CSMD2: variants seen among roughly 807,000 people sequenced by gnomAD.
The protein encoded by CSMD2 is CUB and Sushi multiple domains 2, also known as CUB and sushi domain-containing protein 2.
In CSMD2, 130 loss-of-function variants were observed where a neutral mutation model predicts 398.5. The ratio of observed to expected loss-of-function variants is 0.33; its 90% confidence interval spans 0.28 to 0.38. CSMD2 has a LOEUF of 0.38. Among genes scored for constraint, CSMD2 ranks in the 10% least tolerant of loss-of-function variants. CSMD2 has a pLI of 1.00. For missense variants in CSMD2, 3,829 were observed against 4,764.9 expected, an observed-to-expected ratio of 0.80 and a Z score of 5.78; for synonymous variants, 1,828 against 1,908.5, an observed-to-expected ratio of 0.96 and a Z score of 1.10.
At chr1:33,567,879 C>G (rs761880963) in intron 52 of CSMD2, 38 bp from the exon 53 acceptor site, 2 of 1,543,462 alleles carry the variant, frequency 1.3e-6, no homozygotes, top group Admixed American at 2.0e-5. Flanking sequence ...ACCAACTATC[C>G]CACAACTCAT....
intron 5 of CSMD2, among the ~76,000 whole-genome samples, chr1:33,915,524 T>C (rs911151044): frequency 9.2e-5 from 14 of 152,222 alleles, no homozygotes; most frequent in African/African-American, 3.1e-4. Context: ...CTCTGCTTAA[T>C]TCCTTCCCCA....
intron 5 of CSMD2, among the ~76,000 whole-genome samples, chr1:33,884,023 C>T (rs1416202117): frequency 6.6e-6 from 1 of 152,084 alleles, no homozygotes; most frequent in Admixed American, 6.5e-5. Flanking sequence ...CCTCCCATGA[C>T]CATAGCAGAC....
chr1:33,770,849 G>A (rs1320941212), intron 13 of CSMD2, among the ~76,000 whole-genome samples: 1 of 152,172 alleles, frequency 6.6e-6, no homozygotes, highest in Non-Finnish European at 1.5e-5. Context: ...GAGGCTGCCG[G>A]CCCTGCTTGT....
chr1:33,743,574 C>T lies in CSMD2; in HGVS notation c.1879G>A (p.Gly627Arg). The T allele has an allele frequency of 6.2e-7, 1 of 1,606,556 alleles. No individual in the cohort carries two copies. The highest frequency in any genetic ancestry group is 8.5e-7 in the Non-Finnish European group (1 of 1,174,454). The change falls in exon 14 of 71, where the codon GGG (glycine) becomes AGG (arginine). Residue 627 changes from glycine (G) to arginine (R), a missense_variant. By Grantham distance (125) the Gly-to-Arg change is moderately radical. Transcript: ENST00000373381. The stretch of plus-strand genomic sequence containing the variant: ...GGGTAGTTGGGAGACAGGACAACCC[C>T]AGACGGGCTGGTGAAGTTGAAGAAG... ...SCFFNFTSPS[G>R]VVLSPNYPED... is the part of the protein sequence containing the mutation.
At chr1:33,832,849 A>G (rs1659761194) in intron 6 of CSMD2, among the ~76,000 whole-genome samples, 1 of 152,172 alleles carries the variant, frequency 6.6e-6, no homozygotes, top group South Asian at 2.1e-4. Flanking sequence ...AATACAAACT[A>G]CCATCAGAGA....
chr1:33,540,906 T>C (rs533371381), intron 59 of CSMD2, among the ~76,000 whole-genome samples: 3 of 152,280 alleles, frequency 2.0e-5, no homozygotes, highest in Admixed American at 2.0e-4. Flanking sequence ...AGTCCTCTGT[T>C]TGCGGGACCC....
chr1:34,094,453 C>A (rs928833378), intron 1 of CSMD2, among the ~76,000 whole-genome samples: 3 of 151,980 alleles, frequency 2.0e-5, no homozygotes, highest in Non-Finnish European at 2.9e-5. Context: ...AATTAAAAGA[C>A]ACAGACTGGC....
chr1:34,032,508 C>T, intron 3 of CSMD2, 86 bp downstream of exon 3: 1 of 840,724 alleles, frequency 1.2e-6, no homozygotes, highest in South Asian at 2.0e-5. Context: ...AGAACACTTC[C>T]CTGCATCTGT....
chr1:34,010,705 G>A (rs539714401), intron 3 of CSMD2, among the ~76,000 whole-genome samples: 4 of 151,772 alleles, frequency 2.6e-5, no homozygotes, highest in East Asian at 1.9e-4. Context: ...TGCAAGCTCC[G>A]CCTCCCAGGT....
At chr1:33,808,614 T>C (rs1299415529) in intron 10 of CSMD2, among the ~76,000 whole-genome samples, 1 of 152,010 alleles carries the variant, frequency 6.6e-6, no homozygotes, top group African/African-American at 2.4e-5. Context: ...AGAGGGAAAT[T>C]TGTAGCCTTT....
At chr1:33,898,492 C>T (rs1042583087) in intron 5 of CSMD2, among the ~76,000 whole-genome samples, 6 of 152,150 alleles carry the variant, frequency 3.9e-5, no homozygotes, top group African/African-American at 1.4e-4. Flanking sequence ...AATAAGGAAT[C>T]CTAATTAATC....
At chr1:34,119,226 G>T (rs987394767) in intron 1 of CSMD2, among the ~76,000 whole-genome samples, 3 of 152,088 alleles carry the variant, frequency 2.0e-5, no homozygotes, top group African/African-American at 7.2e-5. Context: ...ACATGCAGAA[G>T]AATAAAGTTG....
intron 10 of CSMD2, among the ~76,000 whole-genome samples, chr1:33,802,149 T>G (rs1046471682): frequency 1.3e-5 from 2 of 152,182 alleles, no homozygotes; most frequent in African/African-American, 2.4e-5. Flanking sequence ...ATAACCCAAA[T>G]GCCCAAGGTG....
intron 5 of CSMD2, among the ~76,000 whole-genome samples, chr1:33,894,804 C>T (rs895528946): frequency 6.6e-6 from 1 of 152,192 alleles, no homozygotes; most frequent in Non-Finnish European, 1.5e-5. Flanking sequence ...TGCCTAGGAG[C>T]AGCCCTCTTC....
intron 1 of CSMD2, among the ~76,000 whole-genome samples, chr1:34,134,344 C>T (rs553237768): frequency 2.6e-5 from 4 of 152,238 alleles, no homozygotes; most frequent in Admixed American, 6.5e-5. Context: ...ATAAAGAGGC[C>T]GCAAATATCC....
intron 21 of CSMD2, among the ~76,000 whole-genome samples, chr1:33,712,074 T>C (rs1646011199): frequency 6.6e-6 from 1 of 152,178 alleles, no homozygotes; most frequent in African/African-American, 2.4e-5. Flanking sequence ...CACAGGTAAG[T>C]GCTGTGGCTG....
intron 52 of CSMD2, among the ~76,000 whole-genome samples, chr1:33,569,152 T>C (rs1659340980): frequency 6.6e-6 from 1 of 152,174 alleles, no homozygotes; most frequent in African/African-American, 2.4e-5. Flanking sequence ...CTCAAAAGCT[T>C]GTCTCTTTAG....
chr1:34,116,147 G>T (rs910994708), intron 1 of CSMD2, among the ~76,000 whole-genome samples: 1 of 151,898 alleles, frequency 6.6e-6, no homozygotes, highest in Non-Finnish European at 1.5e-5. Context: ...GCAATCAAAA[G>T]ACATAAAGTA....
chr1:33,864,530 G>C, intron 5 of CSMD2: 10 of 1,614,116 alleles, frequency 6.2e-6, no homozygotes, highest in Non-Finnish European at 8.5e-6. Flanking sequence ...AGCTGAAGAG[G>C]GAGAACCCGA....
Sources: allele counts gnomAD v4.1 joint callset (sites outside exome capture counted in the v4.1 genomes callset), GRCh38; gene constraint gnomAD v4.1.1; transcripts MANE v1.5; gene names NCBI Gene and HGNC (gene_info 2026-07-23, HGNC 2026-07-21).